The following ASB3 variants were observed in gnomAD, a reference collection of about 807,000 sequenced individuals.
ASB3 encodes the protein ankyrin repeat and SOCS box containing 3, also known as ankyrin repeat and SOCS box protein 3.
In ASB3, 41 loss-of-function variants were observed where a neutral mutation model predicts 54.5. The observed-to-expected ratio is 0.75, with a 90% CI of 0.59 to 0.98. The LOEUF (loss-of-function observed/expected upper bound fraction) is 0.98. Among genes scored for constraint, ASB3 ranks in the 50% least tolerant of loss-of-function variants. The pLI is 0.00. For synonymous variants in ASB3, 266 were observed against 221.2 expected (o/e 1.20, Z -1.80); for missense variants, 733 against 620.0 (o/e 1.18, Z -1.94).
intron 2 of ASB3, among the ~76,000 whole-genome samples, chr2:53,760,787 A>C (rs1197878907): frequency 6.6e-6 from 1 of 152,194 alleles, no homozygotes; most frequent in African/African-American, 2.4e-5. Context: ...AATCCCTGGC[A>C]CTTCAGGCCT....
At chr2:53,734,570 C>T (rs757417176) in intron 3 of ASB3, among the ~76,000 whole-genome samples, 6 of 152,154 alleles carry the variant, frequency 3.9e-5, no homozygotes, top group Admixed American at 2.0e-4. Flanking sequence ...GACAAAAATA[C>T]CTGCCTCCAT....
At chr2:53,719,411 G>C (rs755843109) in intron 5 of ASB3, among the ~76,000 whole-genome samples, 10 of 151,966 alleles carry the variant, frequency 6.6e-5, no homozygotes, top group Non-Finnish European at 1.2e-4. Context: ...AATCCAAAGC[G>C]CATCAGCCTA....
intron 1 of ASB3, chr2:53,767,574 G>A (rs934357835): frequency 1.4e-5 from 4 of 278,492 alleles, no homozygotes; most frequent in Non-Finnish European, 2.8e-5. Flanking sequence ...AAAGCATTGT[G>A]GGTATTGTAG....
chr2:53,677,932 A>G lies in ASB3; in HGVS notation c.1370-7242T>C, dbSNP rs368054507. Among the ~76,000 whole-genome samples, 148 of 152,226 alleles carry G rather than the reference A, an allele frequency of 9.7e-4. 1 individual carries two copies. The highest frequency in any genetic ancestry group is 3.2e-3 in the African/African-American group (134 of 41,536). On this transcript the variant is annotated intron_variant, in intron 9 of 9. Coordinates refer to ENST00000263634, the MANE Select transcript of ASB3 (RefSeq NM_016115.5). ...CTATATTTTAAATATTTTCTTGATA[A>G]TTTTATATTTGTCAGTTGCAATTAG...
chr2:53,691,305 G>C (rs1668898343), intron 9 of ASB3, among the ~76,000 whole-genome samples: 1 of 152,082 alleles, frequency 6.6e-6, no homozygotes, highest in Admixed American at 6.6e-5. Flanking sequence ...GCATCTCCAG[G>C]ACTTGAAAAG....
At chr2:53,760,383 C>G (rs1352501079) in intron 2 of ASB3, among the ~76,000 whole-genome samples, 3 of 151,988 alleles carry the variant, frequency 2.0e-5, no homozygotes, top group Non-Finnish European at 4.4e-5. Context: ...CCAGGGTCAC[C>G]AGAAAGAAAA....
At chr2:53,705,779 A>T (rs1669735563) in intron 7 of ASB3, among the ~76,000 whole-genome samples, 1 of 151,660 alleles carries the variant, frequency 6.6e-6, no homozygotes, top group Admixed American at 6.6e-5. Context: ...TCTCTTTTGT[A>T]CTTCTGTGTG....
chr2:53,778,079 G>A (rs1025706323), intron 1 of ASB3, among the ~76,000 whole-genome samples: 1 of 150,314 alleles, frequency 6.7e-6, no homozygotes, highest in Non-Finnish European at 1.5e-5. Flanking sequence ...AACCCAGGAG[G>A]CAGAGGTTGC....
chr2:53,693,099 G>T (rs1669001687), intron 9 of ASB3, among the ~76,000 whole-genome samples: 1 of 152,116 alleles, frequency 6.6e-6, no homozygotes, highest in Admixed American at 6.6e-5. Context: ...AATGTTTTAT[G>T]AAGAGTTACA....
intron 2 of ASB3, among the ~76,000 whole-genome samples, chr2:53,755,078 T>G (rs1672739889): frequency 6.6e-6 from 1 of 152,218 alleles, no homozygotes; most frequent in Admixed American, 6.5e-5. Context: ...GAAGGCAAAG[T>G]GGCTTCTCCT....
At chr2:53,677,639 G>A (rs1008602341) in intron 9 of ASB3, among the ~76,000 whole-genome samples, 13 of 152,076 alleles carry the variant, frequency 8.5e-5, no homozygotes, top group African/African-American at 3.1e-4. Flanking sequence ...TTCCCCAATG[G>A]TCTGTGACTT....
At chr2:53,717,205 T>A (rs2009149) in intron 5 of ASB3, among the ~76,000 whole-genome samples, 11,843 of 152,208 alleles carry the variant, frequency 0.078, 509 homozygotes, top group East Asian at 0.17. Context: ...GCCCAATAAG[T>A]AAACATTTAA....
chr2:53,698,717 G>C (rs982735038), intron 8 of ASB3, among the ~76,000 whole-genome samples: 2 of 152,082 alleles, frequency 1.3e-5, no homozygotes, highest in Non-Finnish European at 2.9e-5. Context: ...TGTCATAATG[G>C]CCTTTGCTAT....
intron 9 of ASB3, among the ~76,000 whole-genome samples, chr2:53,686,292 A>G (rs1668627417): frequency 6.6e-6 from 1 of 152,222 alleles, no homozygotes. Context: ...AAGACAAATC[A>G]TAGAGAAAAT....
chr2:53,749,589 T>G (rs1008666221), intron 3 of ASB3, among the ~76,000 whole-genome samples: 1 of 152,128 alleles, frequency 6.6e-6, no homozygotes, highest in African/African-American at 2.4e-5. Flanking sequence ...TCACATCTAT[T>G]TAATCACATC....
chr2:53,777,477 T>C (rs1237129112), intron 1 of ASB3, among the ~76,000 whole-genome samples: 1 of 152,172 alleles, frequency 6.6e-6, no homozygotes, highest in African/African-American at 2.4e-5. Flanking sequence ...ACTCATCAAA[T>C]CCTAGGCTTC....
chr2:53,686,241 ATT>A (rs776412045), intron 9 of ASB3, among the ~76,000 whole-genome samples: 5 of 152,140 alleles, frequency 3.3e-5, no homozygotes, highest in Non-Finnish European at 7.3e-5. Flanking sequence ...GGTTATTTTA[ATT>A]TTTAAGGTTC....
intron 5 of ASB3, among the ~76,000 whole-genome samples, chr2:53,719,190 T>C (rs542120961): frequency 6.6e-6 from 1 of 152,312 alleles, no homozygotes; most frequent in East Asian, 1.9e-4. Flanking sequence ...CCCAAAGTGC[T>C]GGGATTACAG....
At chr2:53,774,615 G>A in intron 1 of ASB3, 1 of 951,258 alleles carries the variant, frequency 1.1e-6, no homozygotes, top group Non-Finnish European at 1.5e-6. Flanking sequence ...ATGTAGTGAG[G>A]ATATTATTTA....
Sources: allele counts gnomAD v4.1 joint callset (sites outside exome capture counted in the v4.1 genomes callset), GRCh38; gene constraint gnomAD v4.1.1; transcripts MANE v1.5; gene names NCBI Gene and HGNC (gene_info 2026-07-23, HGNC 2026-07-21).